Variants in DGKD observed in about 807,000 individuals in gnomAD.
The protein encoded by DGKD is DAG kinase delta.
A neutral mutation model predicts 154.4 loss-of-function variants in DGKD; 68 were observed. That is an observed-to-expected ratio of 0.44 (90% CI 0.36 to 0.54). DGKD has a LOEUF of 0.54. DGKD is among the 20% of genes least tolerant of loss of function. The probability of loss-of-function intolerance (pLI) is 0.00; values close to 1 mark genes in which losing one functional copy is unlikely to be tolerated. For synonymous variants in DGKD, 693 were observed against 638.0 expected (o/e 1.09, Z -1.30); for missense variants, 1,343 against 1,593.6 (o/e 0.84, Z 2.68).
chr2:233,437,458 C>G lies in DGKD; in HGVS notation c.901C>G (p.Leu301Val). 1 of 1,614,220 alleles carries G rather than the reference C, an allele frequency of 6.2e-7. No homozygotes were observed. The highest frequency in any genetic ancestry group is 8.5e-7 in the Non-Finnish European group (1 of 1,180,032). ...CKVSVIPPTA[L>V]NSIDSDGFWK... ...AGTGTCAGTCATCCCACCCACGGCT[C>G]TCAACAGCATCGACTCCGATGGTGG... Residue 301 changes from leucine (L) to valine (V), a missense_variant, in exon 8 of 30, where the codon CTC becomes GTC. By Grantham distance (32) the Leu-to-Val change is conservative. Transcript: ENST00000264057.
At chr2:233,378,113 T>C (rs1182958140) in intron 1 of DGKD, among the ~76,000 whole-genome samples, 1 of 147,012 alleles carries the variant, frequency 6.8e-6, no homozygotes, top group Non-Finnish European at 1.5e-5. Context: ...AGCTATTTTT[T>C]TTTTTTTTCT....
intron 3 of DGKD, among the ~76,000 whole-genome samples, chr2:233,414,592 G>A (rs2061911313): frequency 6.6e-6 from 1 of 152,230 alleles, no homozygotes; most frequent in African/African-American, 2.4e-5. Flanking sequence ...TGATGACTGT[G>A]ACACTTGGAA....
intron 1 of DGKD, among the ~76,000 whole-genome samples, chr2:233,356,564 T>G (rs921465168): frequency 6.6e-6 from 1 of 152,166 alleles, no homozygotes; most frequent in Non-Finnish European, 1.5e-5. Context: ...CCTGGGAGAT[T>G]CCAGTGTTTA....
chr2:233,457,393 G>C lies in DGKD; in HGVS notation c.2580+65G>C, dbSNP rs758235514. ...GGGAAGAGCTGTCTGAGAGCAGGGG[G>C]GTGTTCTGCTGTGGCTGGGGTGGAT... On this transcript the variant is annotated intron_variant, in intron 21 of 29. Coordinates refer to ENST00000264057, the MANE Select transcript of DGKD (RefSeq NM_152879.3). The surrounding 1 kb of genome is among the most constrained non-coding windows in gnomAD (Gnocchi z 5.5). 9.7e-5 allele frequency: 119 copies of C among 1,229,136 alleles called. No homozygotes were observed. Among genetic ancestry groups the C allele is most frequent in the Non-Finnish European group, 1.4e-4 (114 of 835,430 alleles). The allele number at this position is 1,229,136 out of a possible 1,614,324, so 76.1% of individuals were successfully genotyped here.
intron 3 of DGKD, among the ~76,000 whole-genome samples, chr2:233,410,804 AT>A (rs1397537987): frequency 1.3e-5 from 2 of 152,156 alleles, no homozygotes; most frequent in South Asian, 2.1e-4. Context: ...CTCTCTCATA[AT>A]TACACTGAAG....
In DGKD at chr2:233,468,319, C is replaced by G. The variant is rs1422616730; in HGVS notation, c.3425-104C>G. ...TCTCGGGTGCTGGCTGTTGGGACGT[C>G]TCCTGTCCTGGCACTGGGCTCTCGG... On this transcript the variant is annotated intron_variant, in intron 28 of 29. Transcript: ENST00000264057. 8.9e-6 allele frequency: 13 copies of G among 1,455,114 alleles called. No homozygotes were observed. In the East Asian group the frequency reaches 2.6e-4, roughly 29 times the overall value. The allele number at this position is 1,455,114 out of a possible 1,614,324, so 90.1% of individuals were successfully genotyped here. A position where few individuals can be genotyped will look rare whatever the true frequency, so the allele number is the denominator to read the frequency against.
Position 233,458,327 on chromosome 2 carries a change from T to C in DGKD, c.2624T>C (p.Val875Ala). ...PSFDDKILEV[V>A]AVFGSMQMAV... ...TTCGATGACAAGATTCTGGAGGTGG[T>C]CGCCGTGTTCGGCAGCATGCAGATG... The change falls in exon 22 of 30, where the codon GTC (valine) becomes GCC (alanine). Residue 875 changes from valine to alanine, a missense_variant. Around this residue, in one of 6 missense-constraint regions of DGKD, gnomAD observed 429 missense variants for 496.3 expected, o/e 0.86. Coordinates refer to ENST00000264057, the MANE Select transcript of DGKD (RefSeq NM_152879.3). This position sits in a 1 kb window ranked among gnomAD's most constrained non-coding sequence, Gnocchi z 6.6. The C allele has an allele frequency of 6.2e-7, 1 of 1,612,610 alleles. No homozygotes were observed. The highest frequency in any genetic ancestry group is 8.5e-7 in the Non-Finnish European group (1 of 1,179,860).
In DGKD at chr2:233,449,620, C is replaced by G. The variant is rs902448888; in HGVS notation, c.1888+244C>G. Among the ~76,000 whole-genome samples, 4 of 152,174 alleles carry G rather than the reference C, an allele frequency of 2.6e-5. No individual in the cohort carries two copies. Among genetic ancestry groups the G allele is most frequent in the African/African-American group, 9.7e-5 (4 of 41,448 alleles). On this transcript the variant is annotated intron_variant, in intron 15 of 29. Transcript: ENST00000264057. The surrounding 1 kb of genome is among the most constrained non-coding windows in gnomAD (Gnocchi z 5.3). ...CCTCTTTCCTGGCCCTCATTGACTTCACTATAAGCGTCTCACTCCCGTGAG... is the reference window on the plus strand; with the variant it reads ...CCTCTTTCCTGGCCCTCATTGACTTGACTATAAGCGTCTCACTCCCGTGAG...
rs182279722 is a variant in DGKD, at chr2:233,419,284, C to T, written c.349-15096C>T. On this transcript the variant is annotated intron_variant, in intron 3 of 29. Coordinates refer to ENST00000264057, the MANE Select transcript of DGKD (RefSeq NM_152879.3). Reference sequence around the variant, plus strand: ...GATTGCACGGTACTGATTTGCTGCTCCAGCGTTCCTGCTCTACTTCGTAAT... The same window carrying T: ...GATTGCACGGTACTGATTTGCTGCTTCAGCGTTCCTGCTCTACTTCGTAAT... The T allele has an allele frequency of 1.4e-5, 14 of 985,594 alleles. No individual in the cohort carries two copies. The African/African-American group carries it at 2.1e-4, about 15-fold the overall frequency. The allele number at this position is 985,594 out of a possible 1,614,324, so 61.1% of individuals were successfully genotyped here.
At chr2:233,377,738 C>T (rs183733531) in intron 1 of DGKD, among the ~76,000 whole-genome samples, 20 of 152,194 alleles carry the variant, frequency 1.3e-4, no homozygotes, top group Admixed American at 5.9e-4. Context: ...AGGGCCATCC[C>T]GTTTTGCAGT....
intron 1 of DGKD, among the ~76,000 whole-genome samples, chr2:233,369,741 C>T (rs1702217052): frequency 6.6e-6 from 1 of 152,184 alleles, no homozygotes; most frequent in South Asian, 2.1e-4. Flanking sequence ...GTCTCTGCTG[C>T]TCTGGGCGGG....
chr2:233,457,415 G>A lies in DGKD; in HGVS notation c.2580+87G>A, dbSNP rs746997713. On this transcript the variant is annotated intron_variant, in intron 21 of 29. Coordinates refer to ENST00000264057, the MANE Select transcript of DGKD (RefSeq NM_152879.3). This position sits in a 1 kb window ranked among gnomAD's most constrained non-coding sequence, Gnocchi z 5.5. Reference sequence around the variant, plus strand: ...GGGGGTGTTCTGCTGTGGCTGGGGTGGATCCAGCTCTTCTGTTGTGCCAGC... The same window carrying A: ...GGGGGTGTTCTGCTGTGGCTGGGGTAGATCCAGCTCTTCTGTTGTGCCAGC... The A allele has an allele frequency of 1.1e-5, 11 of 1,000,380 alleles. No individual in the cohort carries two copies. The highest frequency in any genetic ancestry group is 7.9e-5 in the African/African-American group (5 of 63,108). 62.0% of individuals were successfully genotyped at this position (1,000,380 alleles called of 1,614,324 possible).
At chr2:233,416,019 A>G (rs951117072) in intron 3 of DGKD, among the ~76,000 whole-genome samples, 4 of 152,220 alleles carry the variant, frequency 2.6e-5, no homozygotes, top group African/African-American at 9.6e-5. Context: ...TCTCAGTCCT[A>G]CCACTTGATG....
At chr2:233,389,445 T>A (rs1703427262) in intron 2 of DGKD, among the ~76,000 whole-genome samples, 1 of 152,142 alleles carries the variant, frequency 6.6e-6, no homozygotes, top group Admixed American at 6.5e-5. Flanking sequence ...ACTAATATTT[T>A]GGTATTTAAG....
chr2:233,436,351 A>G lies in DGKD; in HGVS notation c.729A>G (p.Leu243=), dbSNP rs761787284. 3.3e-5 allele frequency: 53 copies of G among 1,614,178 alleles called. No individual in the cohort carries two copies. In the Middle Eastern group the frequency reaches 6.6e-4, roughly 20 times the overall value. Residue 243 remains leucine (L), a synonymous_variant, in exon 7 of 30, where the codon CTA becomes CTG. Coordinates refer to ENST00000264057, the MANE Select transcript of DGKD (RefSeq NM_152879.3). Reference sequence around the variant, plus strand: ...CCCACCAGTGGTTGGAAGGAAACCTACCTGTGAGCGCCAAGTGCACTGTGT... The same window carrying G: ...CCCACCAGTGGTTGGAAGGAAACCTGCCTGTGAGCGCCAAGTGCACTGTGT... The part of the protein sequence containing the change: ...AMPHQWLEGN[L]PVSAKCTVCD...
intron 26 of DGKD, chr2:233,463,806 C>G (rs2063743948): frequency 3.4e-6 from 1 of 293,798 alleles, no homozygotes; most frequent in East Asian, 7.2e-5. Flanking sequence ...ACACCTCCTG[C>G]TGCCTCCTGC....
rs767122793 is a variant in DGKD at position 233,457,535 on chromosome 2, C to A, written c.2580+207C>A. 1.5e-6 allele frequency: 1 copy of A among 667,920 alleles called. No homozygotes were observed. The highest frequency in any genetic ancestry group is 2.8e-6 in the Non-Finnish European group (1 of 362,318). The allele number at this position is 667,920 out of a possible 1,614,324, so 41.4% of individuals were successfully genotyped here. On this transcript the variant is annotated intron_variant, in intron 21 of 29. Coordinates refer to ENST00000264057, the MANE Select transcript of DGKD (RefSeq NM_152879.3). The surrounding 1 kb of genome is among the most constrained non-coding windows in gnomAD (Gnocchi z 5.5). The stretch of plus-strand genomic sequence containing the variant: ...GAGCAGTTGTGTCAGTGAAGGTGGT[C>A]AGTGAGGGTCTGTGGTCAGCAGATG...
chr2:233,419,620 G>A (rs1204699514), intron 3 of DGKD, among the ~76,000 whole-genome samples: 2 of 152,194 alleles, frequency 1.3e-5, no homozygotes, highest in African/African-American at 4.8e-5. Flanking sequence ...CTTTACTCAT[G>A]TGCTAGAAAC....
In DGKD at chr2:233,359,171, G is replaced by C. The variant is rs968412570; in HGVS notation, c.156+4497G>C. ...TTTGGTGTCAGATGAAGTCACTTCA[G>C]ACCCTGCGCTTCTAGTTATGAAGCA... On this transcript the variant is annotated intron_variant, in intron 1 of 29. Coordinates refer to ENST00000264057, the MANE Select transcript of DGKD (RefSeq NM_152879.3). Among the ~76,000 whole-genome samples, 5 of 152,354 alleles carry C rather than the reference G, an allele frequency of 3.3e-5. No homozygotes were observed. In the South Asian group the frequency reaches 6.2e-4, roughly 19 times the overall value.
Sources: allele counts gnomAD v4.1 joint callset (sites outside exome capture counted in the v4.1 genomes callset), GRCh38; gene constraint gnomAD v4.1.1; regional missense constraint gnomAD v4.1.1; non-coding constraint Gnocchi (gnomAD v3.1); transcripts MANE v1.5; gene names NCBI Gene and HGNC (gene_info 2026-07-23, HGNC 2026-07-21).